ARMC9: variants seen among roughly 807,000 people sequenced by gnomAD.
ARMC9 encodes the protein lisH domain-containing protein ARMC9.
Under a neutral mutation model 107.0 loss-of-function variants are expected in ARMC9, and 94 were observed. The observed-to-expected ratio is 0.88, with a 90% CI of 0.74 to 1.04. ARMC9 has a LOEUF of 1.04. ARMC9 is among the 50% of genes least tolerant of loss of function. The probability of loss-of-function intolerance (pLI) is 0.00; values close to 1 mark genes in which losing one functional copy is unlikely to be tolerated. For missense variants in ARMC9, 942 were observed against 1,030.1 expected, an observed-to-expected ratio of 0.91 and a Z score of 1.17; for synonymous variants, 380 against 396.9, an observed-to-expected ratio of 0.96 and a Z score of 0.51.
At chr2:231,341,614 A>G (rs1452883703) in intron 20 of ARMC9, among the ~76,000 whole-genome samples, 2 of 142,630 alleles carry the variant, frequency 1.4e-5, no homozygotes, top group Non-Finnish European at 3.0e-5. Flanking sequence ...ACAGAGATAT[A>G]GATGATTGAT....
At chr2:231,216,203 T>C (rs2033481806) in intron 4 of ARMC9, among the ~76,000 whole-genome samples, 1 of 152,212 alleles carries the variant, frequency 6.6e-6, no homozygotes. Flanking sequence ...GAAATGCCTG[T>C]TAATCTTTAG....
At chr2:231,209,324 T>G (rs534902755) in intron 3 of ARMC9, among the ~76,000 whole-genome samples, 7 of 152,302 alleles carry the variant, frequency 4.6e-5, no homozygotes, top group Admixed American at 2.6e-4. Context: ...AAGGCTGCAT[T>G]GAGCCATGAT....
chr2:231,297,179 G>A lies in ARMC9; in HGVS notation c.1773+926G>A, dbSNP rs906221656. On this transcript the variant is annotated intron_variant, in intron 19 of 24. Transcript: ENST00000611582. This position sits in a 1 kb window ranked among gnomAD's most constrained non-coding sequence, Gnocchi z 4.2. Reference sequence around the variant, plus strand: ...GCTGGGAGATGCTTCCTCAGCAGGCGGCCTCTGTGGCTGCCGTTTTCTTCA... The same window carrying A: ...GCTGGGAGATGCTTCCTCAGCAGGCAGCCTCTGTGGCTGCCGTTTTCTTCA... 2.0e-5 allele frequency among the ~76,000 whole-genome samples: 3 copies of A among 152,198 alleles called. No homozygotes were observed. The highest frequency in any genetic ancestry group is 1.9e-4 in the East Asian group (1 of 5,198).
At chr2:231,258,659 A>G (rs1002754912) in intron 10 of ARMC9, among the ~76,000 whole-genome samples, 2 of 152,234 alleles carry the variant, frequency 1.3e-5, no homozygotes, top group Non-Finnish European at 2.9e-5. Context: ...GTGGAAAGTC[A>G]TGATGCCCTC....
chr2:231,319,758 C>T (rs545167525), intron 19 of ARMC9, among the ~76,000 whole-genome samples: 1 of 152,310 alleles, frequency 6.6e-6, no homozygotes, highest in East Asian at 1.9e-4. Context: ...CCAGCTTGTC[C>T]TGCATGTGGC....
chr2:231,247,663 G>A (rs750109719), intron 9 of ARMC9, among the ~76,000 whole-genome samples: 1 of 152,202 alleles, frequency 6.6e-6, no homozygotes, highest in South Asian at 2.1e-4. Flanking sequence ...GGGTGCAGTG[G>A]CTCACGCCTG....
chr2:231,352,860 G>A lies in ARMC9; in HGVS notation c.1995-2938G>A, dbSNP rs868268611. Reference sequence around the variant, plus strand: ...TTACATTCCCAGGCCGGGCGCGGGGGCTCACACCAGCCTGGGCCAAGATGG... The same window carrying A: ...TTACATTCCCAGGCCGGGCGCGGGGACTCACACCAGCCTGGGCCAAGATGG... On this transcript the variant is annotated intron_variant, in intron 21 of 24. Coordinates refer to ENST00000611582, the MANE Select transcript of ARMC9 (RefSeq NM_001352754.2). 1.0e-4 allele frequency among the ~76,000 whole-genome samples: 13 copies of A among 125,414 alleles called. 1 individual carries two copies. The highest frequency in any genetic ancestry group is 2.8e-4 in the Admixed American group (4 of 14,112). 82.3% of individuals were successfully genotyped at this position (125,414 alleles called of 152,430 possible).
chr2:231,345,982 AG>A (rs531573011), intron 21 of ARMC9, among the ~76,000 whole-genome samples: 13 of 152,310 alleles, frequency 8.5e-5, no homozygotes, highest in African/African-American at 3.1e-4. Flanking sequence ...CAGGGACACC[AG>A]GCAAGACAGA....
At position 231,297,573 on chromosome 2, in the gene ARMC9, G is replaced by T. The variant is rs139310043; in HGVS notation, c.1773+1320G>T. The stretch of plus-strand genomic sequence containing the variant: ...CTGTGTTCCTGTAAAACTATTTATG[G>T]ACGCTAAAAATTTGAATTTCATACA... On this transcript the variant is annotated intron_variant, in intron 19 of 24. Transcript: ENST00000611582. The surrounding 1 kb of genome is among the most constrained non-coding windows in gnomAD (Gnocchi z 4.2). Among the ~76,000 whole-genome samples the T allele has an allele frequency of 7.6e-4, 115 of 152,304 alleles. No individual in the cohort carries two copies. Among genetic ancestry groups the T allele is most frequent in the Middle Eastern group, 3.4e-3 (1 of 294 alleles).
At chr2:231,258,966 T>C in intron 10 of ARMC9, 25 bp from the exon 11 acceptor site, 1 of 1,585,888 alleles carries the variant, frequency 6.3e-7, no homozygotes, top group Middle Eastern at 1.7e-4. Context: ...CTTTTCTTTC[T>C]CTTTGAACTT....
intron 21 of ARMC9, among the ~76,000 whole-genome samples, chr2:231,354,788 C>T (rs1374484342): frequency 6.6e-6 from 1 of 152,198 alleles, no homozygotes; most frequent in Non-Finnish European, 1.5e-5. Context: ...ATTAGGTGGC[C>T]CATATCTCCT....
chr2:231,340,020 T>C lies in ARMC9; in HGVS notation c.1879-4955T>C, dbSNP rs1289821979. On this transcript the variant is annotated intron_variant, in intron 20 of 24. Transcript: ENST00000611582. ...TTTTGGCTGGGCCTGAGAATTAAAT[T>C]GATGTAAAACAGATACACAGGAGAA... Among the ~76,000 whole-genome samples the C allele has an allele frequency of 2.0e-5, 3 of 152,058 alleles. No individual in the cohort carries two copies. In the East Asian group the frequency reaches 5.8e-4, roughly 29 times the overall value.
At chr2:231,215,714 A>T (rs927650445) in intron 4 of ARMC9, among the ~76,000 whole-genome samples, 4 of 152,202 alleles carry the variant, frequency 2.6e-5, no homozygotes, top group African/African-American at 9.6e-5. Flanking sequence ...CCCGTGCATT[A>T]ATGACTGCCC....
At chr2:231,201,137 TG>T (rs1016274652) in intron 1 of ARMC9, among the ~76,000 whole-genome samples, 10 of 152,034 alleles carry the variant, frequency 6.6e-5, no homozygotes, top group Non-Finnish European at 1.0e-4. Flanking sequence ...GCTGGAGAGG[TG>T]GGTGTCCCCC....
chr2:231,343,032 G>A (rs2044612530), intron 20 of ARMC9, among the ~76,000 whole-genome samples: 2 of 152,040 alleles, frequency 1.3e-5, no homozygotes, highest in South Asian at 4.1e-4. Context: ...TCCTGCCTCA[G>A]CCTCCTGAGT....
intron 9 of ARMC9, chr2:231,256,139 A>G (rs956690073): frequency 6.1e-5 from 94 of 1,544,322 alleles, no homozygotes; most frequent in Admixed American, 9.9e-5. Context: ...GGCCAGGGTC[A>G]CCAAGGTCCT....
chr2:231,268,860 G>C (rs1574878103), intron 12 of ARMC9, among the ~76,000 whole-genome samples: 1 of 151,898 alleles, frequency 6.6e-6, no homozygotes, highest in African/African-American at 2.4e-5. Flanking sequence ...CCAGGAGTTT[G>C]TGAGCAGCCT....
chr2:231,361,541 C>T (rs773061319), intron 23 of ARMC9, among the ~76,000 whole-genome samples: 6 of 151,382 alleles, frequency 4.0e-5, no homozygotes, highest in Non-Finnish European at 7.4e-5. Flanking sequence ...CACTGTGCCA[C>T]GTGAGCACAG....
chr2:231,222,920 C>T (rs1406146714), intron 6 of ARMC9, 100 bp downstream of exon 6: 4 of 697,208 alleles, frequency 5.7e-6, no homozygotes, highest in Middle Eastern at 2.9e-4. Flanking sequence ...CTCATTAAAT[C>T]GGGATAATTA....
Sources: gnomAD v4.1 joint callset for allele counts (sites outside exome capture counted in the v4.1 genomes callset) on GRCh38, gnomAD v4.1.1 for gene constraint, Gnocchi (gnomAD v3.1) non-coding constraint, MANE v1.5 for transcripts, NCBI Gene and HGNC (gene_info 2026-07-23, HGNC 2026-07-21) for gene names.